Variants in PARD3B observed in about 807,000 individuals in gnomAD.
PARD3B encodes the protein partitioning defective 3 homolog B.
A neutral mutation model predicts 130.2 loss-of-function variants in PARD3B; 103 were observed. The observed-to-expected ratio is 0.79, with a 90% CI of 0.67 to 0.93. The LOEUF (loss-of-function observed/expected upper bound fraction) is 0.93. Ranked by LOEUF, PARD3B falls within the 40% of genes least tolerant of loss-of-function variation. The pLI, the probability that PARD3B is intolerant of heterozygous loss-of-function variation, is 0.00. For missense variants in PARD3B, 1,609 were observed against 1,499.2 expected (o/e 1.07, Z -1.21); for synonymous variants, 583 against 553.2 (o/e 1.05, Z -0.76).
intron 2 of PARD3B, among the ~76,000 whole-genome samples, chr2:204,861,130 G>T (rs1175755991): frequency 1.4e-5 from 2 of 144,258 alleles, no homozygotes; most frequent in African/African-American, 5.0e-5. Flanking sequence ...TTTTTCATTT[G>T]TAGCTTTTTC....
At chr2:205,391,029 C>T (rs1289866504) in intron 18 of PARD3B, among the ~76,000 whole-genome samples, 1 of 152,140 alleles carries the variant, frequency 6.6e-6, no homozygotes, top group Non-Finnish European at 1.5e-5. Flanking sequence ...GAGCTGTTTC[C>T]TGTGGGGACC....
At chr2:204,866,648 G>C (rs2045427636) in intron 2 of PARD3B, among the ~76,000 whole-genome samples, 1 of 151,370 alleles carries the variant, frequency 6.6e-6, no homozygotes, top group South Asian at 2.1e-4. Flanking sequence ...AGTTGTGTAT[G>C]TGATTAAAAG....
intron 16 of PARD3B, among the ~76,000 whole-genome samples, chr2:205,256,351 C>T (rs925425397): frequency 6.6e-6 from 1 of 151,998 alleles, no homozygotes; most frequent in African/African-American, 2.4e-5. Flanking sequence ...TGAACATGTA[C>T]CGTATACCAG....
intron 11 of PARD3B, among the ~76,000 whole-genome samples, chr2:205,168,974 C>G (rs1311325702): frequency 6.6e-6 from 1 of 152,132 alleles, no homozygotes; most frequent in Non-Finnish European, 1.5e-5. Context: ...TGTGGAAGTG[C>G]CTTTTCCTAA....
chr2:205,330,034 T>TAAATAAATAAAA (rs1331609889), intron 18 of PARD3B, among the ~76,000 whole-genome samples: 2 of 3,616 alleles, frequency 5.5e-4, no homozygotes, highest in East Asian at 2.5e-3. Context: ...AATAAATAAA[T>TAAATAAATAAAA]AAAATAAAAT....
chr2:205,352,906 A>G lies in PARD3B; in HGVS notation c.2631-48107A>G, dbSNP rs545196986. 1.2e-3 allele frequency among the ~76,000 whole-genome samples: 190 copies of G among 152,296 alleles called. 1 individual carries two copies. The highest frequency in any genetic ancestry group is 4.3e-3 in the African/African-American group (178 of 41,560). On this transcript the variant is annotated intron_variant, in intron 18 of 22. Transcript: ENST00000406610. This position sits in a 1 kb window ranked among gnomAD's most constrained non-coding sequence, Gnocchi z 5.2. ...AAAGAATAACCCCCCACCAGTGGCC[A>G]CATCATATGGAGAAAGAACCAATGT...
rs552618291 is a variant in PARD3B at position 204,967,184 on chromosome 2, A to G, written c.394+1861A>G. ...CTCATTTCACTTAGTACCAGATTAA[A>G]TGATGAGACTAGCTCACTGTTAGGT... is the stretch of plus-strand genomic sequence containing the variant. On this transcript the variant is annotated intron_variant, in intron 3 of 22. Transcript: ENST00000406610. The surrounding 1 kb of genome is among the most constrained non-coding windows in gnomAD (Gnocchi z 4.4). Among the ~76,000 whole-genome samples the G allele has an allele frequency of 3.2e-4, 49 of 152,330 alleles. No individual in the cohort carries two copies. In the South Asian group the frequency reaches 9.7e-3, roughly 30 times the overall value.
chr2:205,476,620 GTTTGTTTT>G (rs943789367), intron 20 of PARD3B, among the ~76,000 whole-genome samples: 28 of 151,626 alleles, frequency 1.8e-4, no homozygotes, highest in African/African-American at 6.3e-4. Flanking sequence ...TGGGTTTTTT[GTTTGTTTT>G]TTTGTTTGTT....
intron 2 of PARD3B, among the ~76,000 whole-genome samples, chr2:204,915,877 A>G (rs2047422396): frequency 6.6e-6 from 1 of 152,210 alleles, no homozygotes; most frequent in Non-Finnish European, 1.5e-5. Context: ...GCATTGTAAA[A>G]ATCAAATATG....
intron 2 of PARD3B, among the ~76,000 whole-genome samples, chr2:204,793,645 T>C (rs1001945752): frequency 1.4e-4 from 22 of 152,024 alleles, no homozygotes; most frequent in African/African-American, 5.3e-4. Flanking sequence ...GTAGCTGGGA[T>C]TACAGGTGCC....
chr2:204,660,326 CA>C (rs1167984419), intron 1 of PARD3B, among the ~76,000 whole-genome samples: 1 of 152,092 alleles, frequency 6.6e-6, no homozygotes, highest in Admixed American at 6.6e-5. Context: ...TTTATAAAAG[CA>C]ACCACCAGAT....
intron 3 of PARD3B, among the ~76,000 whole-genome samples, chr2:204,968,881 A>G (rs1251798005): frequency 6.6e-6 from 1 of 152,252 alleles, no homozygotes; most frequent in African/African-American, 2.4e-5. Context: ...AATTCGTAAG[A>G]TGAGTTTTAA....
At chr2:204,572,190 T>C (rs1046551962) in intron 1 of PARD3B, among the ~76,000 whole-genome samples, 1 of 152,130 alleles carries the variant, frequency 6.6e-6, no homozygotes, top group African/African-American at 2.4e-5. Context: ...AAAGAACACT[T>C]TTCTTGACTG....
intron 2 of PARD3B, among the ~76,000 whole-genome samples, chr2:204,893,609 A>C (rs1575233289): frequency 6.6e-6 from 1 of 152,334 alleles, no homozygotes; most frequent in South Asian, 2.1e-4. Flanking sequence ...ATTAATTTTA[A>C]TAGCATAGTT....
At chr2:204,821,812 C>T (rs2043369668) in intron 2 of PARD3B, among the ~76,000 whole-genome samples, 1 of 152,144 alleles carries the variant, frequency 6.6e-6, no homozygotes, top group Non-Finnish European at 1.5e-5. Flanking sequence ...CTTCTTCTTG[C>T]CTTCCACCAT....
chr2:205,482,858 T>C (rs964171960), intron 20 of PARD3B: 1 of 152,200 alleles, frequency 6.6e-6, no homozygotes, highest in Non-Finnish European at 1.5e-5. Flanking sequence ...ATTTCTCCAC[T>C]GACAAGGATT....
intron 2 of PARD3B, among the ~76,000 whole-genome samples, chr2:204,750,587 A>G (rs533337621): frequency 2.0e-5 from 3 of 147,386 alleles, no homozygotes; most frequent in Admixed American, 6.8e-5. Flanking sequence ...CGCTGTTTCA[A>G]AAATACACAC....
intron 1 of PARD3B, among the ~76,000 whole-genome samples, chr2:204,661,883 A>G (rs940893664): frequency 6.8e-6 from 1 of 147,204 alleles, no homozygotes; most frequent in African/African-American, 2.6e-5. Context: ...TGTTGTGCCT[A>G]TTTTGGTTTA....
intron 2 of PARD3B, among the ~76,000 whole-genome samples, chr2:204,692,185 T>C (rs1047278689): frequency 2.6e-5 from 4 of 152,108 alleles, no homozygotes; most frequent in Non-Finnish European, 4.4e-5. Context: ...TTCTACTTTA[T>C]TTGAAAATAA....
Sources: allele counts gnomAD v4.1 joint callset (sites outside exome capture counted in the v4.1 genomes callset), GRCh38; gene constraint gnomAD v4.1.1; non-coding constraint Gnocchi (gnomAD v3.1); transcripts MANE v1.5; gene names NCBI Gene and HGNC (gene_info 2026-07-23, HGNC 2026-07-21).